Variants in EPHB2 observed in about 807,000 individuals in gnomAD.
EPHB2 encodes ephrin type-B receptor 2.
EPHB2 carries 18 observed loss-of-function variants against 96.4 expected under a neutral mutation model. The observed-to-expected ratio is 0.19, with a 90% CI of 0.13 to 0.28. The LOEUF is 0.28. Ranked by LOEUF, EPHB2 falls within the 10% of genes least tolerant of loss-of-function variation. The pLI is 1.00. For missense variants in EPHB2, 989 were observed against 1,355.4 expected, an observed-to-expected ratio of 0.73 and a Z score of 4.25; for synonymous variants, 506 against 534.1, an observed-to-expected ratio of 0.95 and a Z score of 0.72.
chr1:22,761,543 G>A (rs1644236085), intron 1 of EPHB2, among the ~76,000 whole-genome samples: 1 of 152,208 alleles, frequency 6.6e-6, no homozygotes, highest in African/African-American at 2.4e-5. Context: ...CTCTTGGGCA[G>A]GGCACTTGAC....
At chr1:22,891,883 C>T (rs1177588384) in intron 6 of EPHB2, among the ~76,000 whole-genome samples, 1 of 151,942 alleles carries the variant, frequency 6.6e-6, no homozygotes, top group African/African-American at 2.4e-5. Flanking sequence ...TGGCCTTGAC[C>T]TCCCAAGCTC....
chr1:22,871,781 G>A (rs1638676588), intron 5 of EPHB2, among the ~76,000 whole-genome samples: 1 of 152,178 alleles, frequency 6.6e-6, no homozygotes. Context: ...ACTTTAGGAG[G>A]CTGAGGCGGG....
Position 22,913,532 on chromosome 1 carries a change from C to T in EPHB2, c.2923C>T (p.Arg975Trp), listed in dbSNP as rs372681830. The change falls in exon 16 of 16, where the codon CGG becomes TGG. Residue 975 changes from arginine (R) to tryptophan (W), a missense_variant. Coordinates refer to ENST00000374630, the MANE Select transcript of EPHB2 (RefSeq NM_017449.5). The surrounding 1 kb of genome is among the most constrained non-coding windows in gnomAD (Gnocchi z 4.1). The stretch of plus-strand genomic sequence containing the variant: ...AATCCTGAACAGTATCCAGGTGATG[C>T]GGGCGCAGATGAACCAGATTCAGTC... ...KKILNSIQVM[R>W]AQMNQIQSVE... is the part of the protein sequence containing the mutation. 19 of 1,614,166 alleles carry T rather than the reference C, an allele frequency of 1.2e-5. No homozygotes were observed. Among genetic ancestry groups the T allele is most frequent in the Admixed American group, 1.7e-5 (1 of 60,026 alleles).
At chr1:22,903,389 C>G (rs1156973620) in intron 9 of EPHB2, among the ~76,000 whole-genome samples, 2 of 152,248 alleles carry the variant, frequency 1.3e-5, no homozygotes, top group Non-Finnish European at 2.9e-5. Context: ...AGCCGATGCC[C>G]TGGCTCTGAG....
chr1:22,784,944 A>G lies in EPHB2; in HGVS notation c.679A>G (p.Ile227Val). 1.9e-6 allele frequency: 3 copies of G among 1,613,918 alleles called. No homozygotes were observed. Among genetic ancestry groups the G allele is most frequent in the Non-Finnish European group, 1.7e-6 (2 of 1,180,054 alleles). The stretch of plus-strand genomic sequence containing the variant: ...GCTGGTGGCTGCCCGGGGCAGCTGC[A>G]TCGCCAATGCGGAAGAGGTGGATGT... ...TSLVAARGSCIANAEEVDVPI... is the reference protein window; with the variant it reads ...TSLVAARGSCVANAEEVDVPI... The change falls in exon 3 of 16, where the codon ATC becomes GTC. Residue 227 changes from isoleucine to valine, a missense_variant. By Grantham distance (29) the Ile-to-Val change is conservative. Coordinates refer to ENST00000374630, the MANE Select transcript of EPHB2 (RefSeq NM_017449.5). This position sits in a 1 kb window ranked among gnomAD's most constrained non-coding sequence, Gnocchi z 5.1.
At chr1:22,870,952 G>T (rs1298035350) in intron 5 of EPHB2, among the ~76,000 whole-genome samples, 2 of 152,190 alleles carry the variant, frequency 1.3e-5, no homozygotes, top group Non-Finnish European at 2.9e-5. Flanking sequence ...GCTATGCAAG[G>T]TGCCTCCCAG....
intron 3 of EPHB2, among the ~76,000 whole-genome samples, chr1:22,829,191 A>G (rs557994391): frequency 6.6e-6 from 1 of 152,364 alleles, no homozygotes; most frequent in Non-Finnish European, 1.5e-5. Flanking sequence ...CGGATCCACT[A>G]TGGGGCTGGG....
At chr1:22,830,700 G>A (rs909818264) in intron 3 of EPHB2, among the ~76,000 whole-genome samples, 2 of 152,112 alleles carry the variant, frequency 1.3e-5, no homozygotes, top group African/African-American at 2.4e-5. Context: ...TGGGATTACA[G>A]GCGCCCACCA....
At chr1:22,829,238 C>T (rs1377655624) in intron 3 of EPHB2, among the ~76,000 whole-genome samples, 3 of 152,262 alleles carry the variant, frequency 2.0e-5, no homozygotes, top group Non-Finnish European at 2.9e-5. Context: ...GCCCTGGAGC[C>T]TTGGCAGGGA....
At chr1:22,778,053 T>A (rs906948505) in intron 1 of EPHB2, among the ~76,000 whole-genome samples, 7 of 152,202 alleles carry the variant, frequency 4.6e-5, no homozygotes, top group African/African-American at 1.7e-4. Flanking sequence ...TTAGACATAG[T>A]CTTGCTCTGT....
chr1:22,845,232 G>A (rs1045831449), intron 3 of EPHB2, among the ~76,000 whole-genome samples: 5 of 152,190 alleles, frequency 3.3e-5, no homozygotes, highest in African/African-American at 1.2e-4. Flanking sequence ...TCCCTTGTAA[G>A]TGGGGATAAT....
intron 1 of EPHB2, among the ~76,000 whole-genome samples, chr1:22,765,963 G>A (rs1557661382): frequency 1.3e-5 from 2 of 152,168 alleles, no homozygotes; most frequent in Non-Finnish European, 2.9e-5. Context: ...TCCTTCAGTT[G>A]GAGGCTCAGG....
intron 1 of EPHB2, among the ~76,000 whole-genome samples, chr1:22,761,754 T>C (rs1323774786): frequency 1.3e-5 from 2 of 152,164 alleles, no homozygotes; most frequent in East Asian, 3.9e-4. Flanking sequence ...AGTTGAAGCC[T>C]CCTCCCCGGC....
chr1:22,840,415 C>T (rs940564646), intron 3 of EPHB2, among the ~76,000 whole-genome samples: 1 of 152,124 alleles, frequency 6.6e-6, no homozygotes, highest in Non-Finnish European at 1.5e-5. Context: ...TAGTAGTGAC[C>T]ATCAGGGTGG....
chr1:22,833,720 C>A (rs745479965), intron 3 of EPHB2, among the ~76,000 whole-genome samples: 5 of 152,062 alleles, frequency 3.3e-5, no homozygotes, highest in Non-Finnish European at 7.4e-5. Context: ...ATAAAACATA[C>A]AAGAGTATAA....
intron 6 of EPHB2, chr1:22,882,899 C>T (rs1639097641): frequency 6.8e-6 from 2 of 295,530 alleles, no homozygotes; most frequent in East Asian, 8.7e-5. Context: ...AGAGAGCTTC[C>T]GCCTGCCCTG....
intron 1 of EPHB2, among the ~76,000 whole-genome samples, chr1:22,760,768 T>C (rs1489654728): frequency 6.6e-6 from 1 of 152,106 alleles, no homozygotes; most frequent in African/African-American, 2.4e-5. Context: ...CTCCCCATCA[T>C]CCCATCTGTA....
intron 3 of EPHB2, among the ~76,000 whole-genome samples, chr1:22,787,655 G>T (rs1392626502): frequency 6.6e-6 from 1 of 152,180 alleles, no homozygotes; most frequent in Non-Finnish European, 1.5e-5. Flanking sequence ...TACTTAGGAG[G>T]CTGAGGTGGG....
rs2124179051 is a variant in EPHB2 at position 22,919,372 on chromosome 1, A to G, written c.*5802A>G. On this transcript the variant is annotated 3_prime_UTR_variant, in exon 16 of 16. Transcript: ENST00000374630. The stretch of plus-strand genomic sequence containing the variant: ...AAATTAGAAAGACCCTCAGACCCAG[A>G]GTCTGTCTGAGTTTAGCTTCGCAGC... 6.6e-6 allele frequency: 1 copy of G among 152,364 alleles called. No individual in the cohort carries two copies. Among genetic ancestry groups the G allele is most frequent in the South Asian group, 2.1e-4 (1 of 4,824 alleles). 9.4% of individuals were successfully genotyped at this position (152,364 alleles called of 1,614,324 possible). A position where few individuals can be genotyped will look rare whatever the true frequency, so the allele number is the denominator to read the frequency against.
Sources: allele counts gnomAD v4.1 joint callset (sites outside exome capture counted in the v4.1 genomes callset), GRCh38; gene constraint gnomAD v4.1.1; non-coding constraint Gnocchi (gnomAD v3.1); transcripts MANE v1.5; gene names NCBI Gene and HGNC (gene_info 2026-07-23, HGNC 2026-07-21).